The following USP47 variants were observed in gnomAD, a reference collection of about 807,000 sequenced individuals.
The protein encoded by USP47 is ubiquitin carboxyl-terminal hydrolase 47.
In USP47, 35 loss-of-function variants were observed where a neutral mutation model predicts 165.1. The observed-to-expected ratio is 0.21, with a 90% confidence interval of 0.16 to 0.28. USP47 has a LOEUF of 0.28. USP47 is among the 10% of genes least tolerant of loss of function. The pLI is 1.00. For synonymous variants in USP47, 531 were observed against 544.5 expected, an observed-to-expected ratio of 0.98 and a Z score of 0.35; for missense variants, 1,277 against 1,607.4, an observed-to-expected ratio of 0.79 and a Z score of 3.52.
chr11:11,877,039 C>T (rs1370570033), intron 1 of USP47, among the ~76,000 whole-genome samples: 1 of 152,000 alleles, frequency 6.6e-6, no homozygotes, highest in Non-Finnish European at 1.5e-5. Flanking sequence ...AGATAGCTGC[C>T]CTAATTTCCC....
chr11:11,905,456 G>T lies in USP47; in HGVS notation c.877G>T (p.Glu293Ter). The T allele has an allele frequency of 6.2e-7, 1 of 1,609,594 alleles. No homozygotes were observed. The highest frequency in any genetic ancestry group is 8.5e-7 in the Non-Finnish European group (1 of 1,176,918). The change falls in exon 8 of 28, where the codon GAA (glutamate) becomes TAA (stop). Residue 293 changes from glutamate (E) to a stop codon, truncating the protein, a stop_gained. Coordinates refer to ENST00000527733, the MANE Select transcript of USP47 (RefSeq NM_001282659.2). LOFTEE classifies it high-confidence loss of function. ...GCTGAAGGACTACGTGAGATGTCTG[G>T]AATGTGGTTATGAGGGCTGGCGAAT... ...GKLKDYVRCL[E>*]CGYEGWRIDT...
intron 11 of USP47, 89 bp downstream of exon 11, chr11:11,922,980 T>C: frequency 8.3e-7 from 1 of 1,205,346 alleles, no homozygotes; most frequent in Non-Finnish European, 1.1e-6. Flanking sequence ...ACTGATAAAG[T>C]TATCTTTAAA....
chr11:11,883,044 G>T (rs10831692), intron 2 of USP47, among the ~76,000 whole-genome samples: 42,250 of 151,934 alleles, frequency 0.28, 6,837 homozygotes, highest in East Asian at 0.52. Flanking sequence ...ATACTCCTCA[G>T]AAAACTAAGC....
In USP47 at chr11:11,923,074, ATATATATAT is replaced by A. The variant is rs1413875080; in HGVS notation, c.1386+184_1386+192del. Among the ~76,000 whole-genome samples the A allele has an allele frequency of 2.9e-5, 3 of 102,040 alleles. No individual in the cohort carries two copies. The Admixed American group carries it at 3.8e-4, about 13-fold the overall frequency. 66.9% of individuals were successfully genotyped at this position (102,040 alleles called of 152,430 possible). ...TATATATATATATATATATATATAT[ATATATATAT>A]ATGACTATAATTAAACTTCAGGAAA... On this transcript the variant is annotated intron_variant, in intron 11 of 27. Transcript: ENST00000527733.
intron 3 of USP47, among the ~76,000 whole-genome samples, chr11:11,886,288 A>C (rs1851158600): frequency 6.6e-6 from 1 of 152,218 alleles, no homozygotes; most frequent in Non-Finnish European, 1.5e-5. Context: ...GGTGGGTAAT[A>C]ACAAACTTTG....
At chr11:11,855,307 CT>C (rs1336183036) in intron 1 of USP47, among the ~76,000 whole-genome samples, 1 of 152,142 alleles carries the variant, frequency 6.6e-6, no homozygotes, top group African/African-American at 2.4e-5. Context: ...AAGACAGTTT[CT>C]GAGAGAACTT....
chr11:11,933,181 T>C, intron 15 of USP47, 65 bp downstream of exon 15: 3 of 1,255,282 alleles, frequency 2.4e-6, no homozygotes, highest in Non-Finnish European at 3.4e-6. Context: ...CCTGCAATTC[T>C]AATGACTAAC....
chr11:11,875,905 T>G (rs1480607424), intron 1 of USP47, among the ~76,000 whole-genome samples: 1 of 152,184 alleles, frequency 6.6e-6, no homozygotes, highest in Admixed American at 6.5e-5. Flanking sequence ...ACCTGGCCAT[T>G]TTTACTTTTT....
chr11:11,946,392 A>G (rs184091268), intron 20 of USP47, among the ~76,000 whole-genome samples: 5 of 152,358 alleles, frequency 3.3e-5, no homozygotes, highest in African/African-American at 1.2e-4. Context: ...TTGTCTTCCT[A>G]TGACACAGCA....
chr11:11,920,549 GT>G, intron 10 of USP47, 55 bp downstream of exon 10: 1 of 1,507,702 alleles, frequency 6.6e-7, no homozygotes, highest in South Asian at 1.4e-5. Flanking sequence ...GTCAGTCATG[GT>G]TTTGAAAGAG....
At chr11:11,888,122 A>C (rs111476777) in intron 3 of USP47, among the ~76,000 whole-genome samples, 60 of 152,186 alleles carry the variant, frequency 3.9e-4, no homozygotes, top group Non-Finnish European at 7.6e-4. Flanking sequence ...GGAAGATGTC[A>C]AGTTAACAAC....
rs550616897 is a variant in USP47 at position 11,911,446 on chromosome 11, A to G, written c.969+5898A>G. ...CCCCAAACACAATAAGCCAAAATAAATCAGGAATGGCCATATTAGTGTCAG... is the reference window on the plus strand; with the variant it reads ...CCCCAAACACAATAAGCCAAAATAAGTCAGGAATGGCCATATTAGTGTCAG... On this transcript the variant is annotated intron_variant, in intron 8 of 27. Coordinates refer to ENST00000527733, the MANE Select transcript of USP47 (RefSeq NM_001282659.2). Among the ~76,000 whole-genome samples the G allele has an allele frequency of 2.6e-5, 4 of 152,272 alleles. No individual in the cohort carries two copies. The East Asian group carries it at 7.7e-4, about 29-fold the overall frequency.
At chr11:11,905,943 G>T (rs1430709055) in intron 8 of USP47, among the ~76,000 whole-genome samples, 1 of 151,554 alleles carries the variant, frequency 6.6e-6, no homozygotes, top group African/African-American at 2.4e-5. Context: ...TTTTAAAATT[G>T]GTAAAAGCAC....
At position 11,956,333 on chromosome 11, in the gene USP47, T is replaced by C; in HGVS notation, c.*158T>C. Reference sequence around the variant, plus strand: ...CACCAATCAGAAGCTCAGTGCCCAATGGGCCACTGTTTTGACTCGGAATCA... The same window carrying C: ...CACCAATCAGAAGCTCAGTGCCCAACGGGCCACTGTTTTGACTCGGAATCA... On this transcript the variant is annotated 3_prime_UTR_variant, in exon 28 of 28. Transcript: ENST00000527733. 1.7e-6 allele frequency: 1 copy of C among 602,988 alleles called. No individual in the cohort carries two copies. Among genetic ancestry groups the C allele is most frequent in the South Asian group, 2.7e-5 (1 of 36,948 alleles). 37.4% of individuals were successfully genotyped at this position (602,988 alleles called of 1,614,324 possible).
In USP47 at chr11:11,936,581, G is replaced by A. The variant is rs142553910; in HGVS notation, c.2077+71G>A. 4,073 of 1,235,548 alleles carry A rather than the reference G, an allele frequency of 3.3e-3. 39 individuals are homozygous for A. Among genetic ancestry groups the A allele is most frequent in the South Asian group, 0.027 (1,315 of 48,052 alleles). The allele number at this position is 1,235,548 out of a possible 1,614,324, so 76.5% of individuals were successfully genotyped here. ...TCATGAGAAAGTTTTTTTTTTTATT[G>A]TAGAAATGAACATAATTTAAATTTT... On this transcript the variant is annotated intron_variant, in intron 17 of 27. Coordinates refer to ENST00000527733, the MANE Select transcript of USP47 (RefSeq NM_001282659.2).
intron 3 of USP47, among the ~76,000 whole-genome samples, chr11:11,887,714 G>T (rs1851253144): frequency 6.6e-6 from 1 of 152,040 alleles, no homozygotes; most frequent in Non-Finnish European, 1.5e-5. Context: ...CTCAGCTCTG[G>T]ATCAAGTGGA....
Position 11,940,566 on chromosome 11 carries a change from T to G in USP47, c.2313+18T>G. 1 of 1,609,206 alleles carries G rather than the reference T, an allele frequency of 6.2e-7. No homozygotes were observed. The highest frequency in any genetic ancestry group is 8.5e-7 in the Non-Finnish European group (1 of 1,177,006). ...GTAACAAGGTATGTCATTTACTTTT[T>G]CATTACTATTTTCTATGCTGGTAGT... is the stretch of plus-strand genomic sequence containing the variant. On this transcript the variant is annotated intron_variant, in intron 19 of 27. Transcript: ENST00000527733.
chr11:11,939,102 G>A (rs1318084118), intron 18 of USP47, among the ~76,000 whole-genome samples: 2 of 151,860 alleles, frequency 1.3e-5, no homozygotes, highest in Non-Finnish European at 2.9e-5. Flanking sequence ...TTTTTGAGCT[G>A]GAAAAATATA....
rs1330894766 is a variant in USP47 at position 11,929,438 on chromosome 11, C to T, written c.1391C>T (p.Ser464Phe). The T allele has an allele frequency of 6.2e-7, 1 of 1,611,692 alleles. No individual in the cohort carries two copies. Among genetic ancestry groups the T allele is most frequent in the Admixed American group, 1.7e-5 (1 of 59,802 alleles). ...ACTTTTATTTTTTCCCCTTAGAATTCCTTGATCTATGAACTTTTCTCTGTT... is the reference window on the plus strand; with the variant it reads ...ACTTTTATTTTTTCCCCTTAGAATTTCTTGATCTATGAACTTTTCTCTGTT... Reference protein sequence around the residue: ...KISKSGLEKNSLIYELFSVMV... With the variant: ...KISKSGLEKNFLIYELFSVMV... Residue 464 changes from serine (S) to phenylalanine (F), a missense_variant, in exon 12 of 28, where the codon TCC becomes TTC. Transcript: ENST00000527733.
Sources: allele counts gnomAD v4.1 joint callset (sites outside exome capture counted in the v4.1 genomes callset), GRCh38; gene constraint gnomAD v4.1.1; transcripts MANE v1.5; gene names NCBI Gene and HGNC (gene_info 2026-07-23, HGNC 2026-07-21).